Variants in EMC1 observed in about 807,000 individuals in gnomAD.
The protein encoded by EMC1 is ER membrane protein complex subunit 1.
Under a neutral mutation model 128.8 loss-of-function variants are expected in EMC1, and 103 were observed. The observed-to-expected ratio is 0.80, with a 90% CI of 0.68 to 0.94. The LOEUF is 0.94. Among genes scored for constraint, EMC1 ranks in the 40% least tolerant of loss-of-function variants. The probability of loss-of-function intolerance (pLI) is 0.00; values close to 1 mark genes in which losing one functional copy is unlikely to be tolerated. For missense variants in EMC1, 1,083 were observed against 1,250.6 expected (o/e 0.87, Z 2.02); for synonymous variants, 442 against 490.4 (o/e 0.90, Z 1.30).
rs997371472 is a variant in EMC1 at position 19,220,661 on chromosome 1, C to T, written c.2672+103G>A. On this transcript the variant is annotated intron_variant, in intron 21 of 22. Coordinates refer to ENST00000477853, the MANE Select transcript of EMC1 (RefSeq NM_015047.3). ...CTTGCCCCCTGCTACATCCCCAGCC[C>T]CTAGCACAGCATGAAGGCACACAGA... The T allele has an allele frequency of 3.3e-6, 3 of 900,784 alleles. No individual in the cohort carries two copies. In the African/African-American group the frequency reaches 5.0e-5, roughly 15 times the overall value. The allele number at this position is 900,784 out of a possible 1,614,324, so 55.8% of individuals were successfully genotyped here.
At chr1:19,221,609 C>T (rs1408143680) in intron 20 of EMC1, 3 of 143,026 alleles carry the variant, frequency 2.1e-5, no homozygotes, top group African/African-American at 8.0e-5. Flanking sequence ...GCACTCCAGC[C>T]TGGGTGACAG....
intron 5 of EMC1, among the ~76,000 whole-genome samples, chr1:19,241,677 G>A (rs891542453): frequency 5.3e-5 from 8 of 152,138 alleles, no homozygotes; most frequent in African/African-American, 1.7e-4. Context: ...CACCATGCCT[G>A]GCTAATTTTT....
intron 1 of EMC1, among the ~76,000 whole-genome samples, chr1:19,245,395 C>A (rs955126558): frequency 4.6e-5 from 7 of 151,726 alleles, no homozygotes; most frequent in African/African-American, 4.8e-5. Context: ...GAGCTGAGAT[C>A]GCACCATTGC....
chr1:19,241,041 A>C lies in EMC1; in HGVS notation c.611T>G (p.Val204Gly). Reference protein sequence around the residue: ...FSHVNIVKFNVEDGEIVQQVR... With the variant: ...FSHVNIVKFNGEDGEIVQQVR... ...CTGCTGAACAATCTCTCCATCTTCC[A>C]CATTAAACTTGACAATGTTCACATG... Residue 204 changes from valine to glycine, a missense_variant, in exon 6 of 23, where the codon GTG becomes GGG. Transcript: ENST00000477853. 1 of 1,614,146 alleles carries C rather than the reference A, an allele frequency of 6.2e-7. No homozygotes were observed. The highest frequency in any genetic ancestry group is 8.5e-7 in the Non-Finnish European group (1 of 1,180,020).
Position 19,239,919 on chromosome 1 carries a change from C to G in EMC1, c.853G>C (p.Asp285His), listed in dbSNP as rs1428914211. ...AGGAAGAACTGGGCCCGGGAAGCGT[C>G]CACTGGGTTGGGCTGGGTAGGCAGG... Reference protein sequence around the residue: ...RVLPTQPNPVDASRAQFFLHL... With the variant: ...RVLPTQPNPVHASRAQFFLHL... Residue 285 changes from aspartate (D) to histidine (H), a missense_variant, in exon 8 of 23, where the codon GAC (aspartate) becomes CAC (histidine). Asp to His is a moderately conservative substitution (Grantham distance 81). Coordinates refer to ENST00000477853, the MANE Select transcript of EMC1 (RefSeq NM_015047.3). 1 of 1,614,084 alleles carries G rather than the reference C, an allele frequency of 6.2e-7. No homozygotes were observed. The highest frequency in any genetic ancestry group is 1.1e-5 in the South Asian group (1 of 91,076).
In EMC1 at chr1:19,232,716, C is replaced by A. The variant is rs1437315740; in HGVS notation, c.1690G>T (p.Val564Phe). The change falls in exon 15 of 23, where the codon GTC (valine) becomes TTC (phenylalanine). Residue 564 changes from valine (V) to phenylalanine (F), a missense_variant. Physicochemically the swap from Val to Phe is conservative, Grantham distance 50. Around this residue, in one of 3 missense-constraint regions of EMC1, gnomAD observed 527 missense variants for 644.1 expected, o/e 0.82. Coordinates refer to ENST00000477853, the MANE Select transcript of EMC1 (RefSeq NM_015047.3). Reference sequence around the variant, plus strand: ...AGTTTAAAGGAGGAGTCTGGCTTGACATTGGGTAGATACTGTTTCCACAGG... The same window carrying A: ...AGTTTAAAGGAGGAGTCTGGCTTGAAATTGGGTAGATACTGTTTCCACAGG... ...TILWKQYLPN[V>F]KPDSSFKLMV... is the part of the protein sequence containing the mutation. 1 of 1,614,150 alleles carries A rather than the reference C, an allele frequency of 6.2e-7. No homozygotes were observed. The highest frequency in any genetic ancestry group is 1.3e-5 in the African/African-American group (1 of 75,032).
At chr1:19,242,165 A>G (rs1430742947) in intron 5 of EMC1, among the ~76,000 whole-genome samples, 180 bp downstream of exon 5, 1 of 152,156 alleles carries the variant, frequency 6.6e-6, no homozygotes, top group African/African-American at 2.4e-5. Context: ...AACTCCAGGC[A>G]TACTCCGGAG....
chr1:19,249,894 C>A (rs946970796), intron 1 of EMC1, among the ~76,000 whole-genome samples: 2 of 151,448 alleles, frequency 1.3e-5, no homozygotes, highest in Non-Finnish European at 2.9e-5. Flanking sequence ...CCAGCCTGGG[C>A]TACAGAATGA....
chr1:19,227,745 AT>A (rs2151944247), intron 17 of EMC1, among the ~76,000 whole-genome samples: 1 of 152,278 alleles, frequency 6.6e-6, no homozygotes, highest in African/African-American at 2.4e-5. Context: ...GCAGGCACCT[AT>A]AATCCTAGCC....
Position 19,219,202 on chromosome 1 carries a change from G to T in EMC1, c.*101C>A. The T allele has an allele frequency of 1.7e-6, 2 of 1,176,204 alleles. No individual in the cohort carries two copies. The highest frequency in any genetic ancestry group is 1.3e-5 in the South Asian group (1 of 74,986). 72.9% of individuals were successfully genotyped at this position (1,176,204 alleles called of 1,614,324 possible). A position where few individuals can be genotyped will look rare whatever the true frequency, so the allele number is the denominator to read the frequency against. ...TCCCTACAGTTCTTAGCTGAGCACT[G>T]ACACACACACATACTCCACCAATCC... On this transcript the variant is annotated 3_prime_UTR_variant, in exon 23 of 23. Transcript: ENST00000477853.
chr1:19,247,026 G>A (rs1414030277), intron 1 of EMC1, among the ~76,000 whole-genome samples: 1 of 152,214 alleles, frequency 6.6e-6, no homozygotes, highest in African/African-American at 2.4e-5. Flanking sequence ...GATACAGCAA[G>A]AAGGCAGCCT....
chr1:19,233,607 G>A (rs1014696263), intron 13 of EMC1, among the ~76,000 whole-genome samples: 2 of 152,102 alleles, frequency 1.3e-5, no homozygotes, highest in Non-Finnish European at 2.9e-5. Context: ...TGTTTAACCT[G>A]CACCCAACAG....
chr1:19,250,133 G>A (rs1203651050), intron 1 of EMC1, among the ~76,000 whole-genome samples: 3 of 143,586 alleles, frequency 2.1e-5, no homozygotes, highest in Non-Finnish European at 4.5e-5. Flanking sequence ...CAGGAGAATC[G>A]CTTGAACCCC....
Position 19,219,212 on chromosome 1 carries a change from C to T in EMC1, c.*91G>A, listed in dbSNP as rs901595098. On this transcript the variant is annotated 3_prime_UTR_variant, in exon 23 of 23. Coordinates refer to ENST00000477853, the MANE Select transcript of EMC1 (RefSeq NM_015047.3). ...TCTTAGCTGAGCACTGACACACACACATACTCCACCAATCCACCAAACTGC... is the reference window on the plus strand; with the variant it reads ...TCTTAGCTGAGCACTGACACACACATATACTCCACCAATCCACCAAACTGC... 4 of 1,296,860 alleles carry T rather than the reference C, an allele frequency of 3.1e-6. No homozygotes were observed. Among genetic ancestry groups the T allele is most frequent in the Non-Finnish European group, 4.4e-6 (4 of 908,184 alleles). The allele number at this position is 1,296,860 out of a possible 1,614,324, so 80.3% of individuals were successfully genotyped here.
chr1:19,223,079 C>A (rs2093444412), intron 19 of EMC1: 2 of 561,798 alleles, frequency 3.6e-6, no homozygotes, highest in South Asian at 2.5e-5. Context: ...TAGTAGCTAA[C>A]CTTTGAATCA....
chr1:19,233,974 T>G (rs1025685548), intron 13 of EMC1, among the ~76,000 whole-genome samples: 1 of 152,144 alleles, frequency 6.6e-6, no homozygotes, highest in Non-Finnish European at 1.5e-5. Flanking sequence ...GAGCAGAACC[T>G]CTGCTTATCT....
chr1:19,230,585 A>T (rs2093513335), intron 17 of EMC1, among the ~76,000 whole-genome samples: 1 of 152,102 alleles, frequency 6.6e-6, no homozygotes, highest in Non-Finnish European at 1.5e-5. Context: ...AAAAAAGAAA[A>T]AGAATGTGGA....
rs755531071 is a variant in EMC1, at chr1:19,223,482, C to T, written c.2290G>A (p.Gly764Ser). The T allele has an allele frequency of 3.1e-6, 5 of 1,614,166 alleles. No individual in the cohort carries two copies. Among genetic ancestry groups the T allele is most frequent in the East Asian group, 2.2e-5 (1 of 44,882 alleles). The stretch of plus-strand genomic sequence containing the variant: ...GAGTGAATGATACGCCCAGTGACGC[C>T]ATCAATGAGGAAGATGCCAATAAAG... The part of the protein sequence containing the change: ...RTFIGIFLID[G>S]VTGRIIHSSV... The change falls in exon 19 of 23, where the codon GGC becomes AGC. Residue 764 changes from glycine (G) to serine (S), a missense_variant. By Grantham distance (56) the Gly-to-Ser change is moderately conservative (BLOSUM62 0). Transcript: ENST00000477853.
chr1:19,219,099 G>A lies in EMC1; in HGVS notation c.*204C>T. 1 of 554,684 alleles carries A rather than the reference G, an allele frequency of 1.8e-6. No homozygotes were observed. Among genetic ancestry groups the A allele is most frequent in the Middle Eastern group, 4.9e-4 (1 of 2,050 alleles). The allele number at this position is 554,684 out of a possible 1,614,324, so 34.4% of individuals were successfully genotyped here. A position where few individuals can be genotyped will look rare whatever the true frequency, so the allele number is the denominator to read the frequency against. On this transcript the variant is annotated 3_prime_UTR_variant, in exon 23 of 23. Transcript: ENST00000477853. ...ATCTCTGAGAGTGTCAGCTGAGAGAGTTCTGTCTCTCTCCATGTAGGATCC... is the reference window on the plus strand; with the variant it reads ...ATCTCTGAGAGTGTCAGCTGAGAGAATTCTGTCTCTCTCCATGTAGGATCC...
Sources: allele counts gnomAD v4.1 joint callset (sites outside exome capture counted in the v4.1 genomes callset), GRCh38; gene constraint gnomAD v4.1.1; regional missense constraint gnomAD v4.1.1; transcripts MANE v1.5; gene names NCBI Gene and HGNC (gene_info 2026-07-23, HGNC 2026-07-21).